Variants in SUPT20H observed in about 807,000 individuals in gnomAD.
SUPT20H encodes SPT20 homolog, SAGA complex component, also known as transcription factor SPT20 homolog.
A neutral mutation model predicts 122.8 loss-of-function variants in SUPT20H; 82 were observed. That is an observed-to-expected ratio of 0.67 (90% confidence interval 0.56 to 0.80). The LOEUF is 0.80. SUPT20H is among the 30% of genes least tolerant of loss of function. The pLI, the probability that SUPT20H is intolerant of heterozygous loss-of-function variation, is 0.00. For synonymous variants in SUPT20H, 291 were observed against 313.0 expected, an observed-to-expected ratio of 0.93 and a Z score of 0.74; for missense variants, 831 against 921.6, an observed-to-expected ratio of 0.90 and a Z score of 1.27.
chr13:37,031,553 A>T lies in SUPT20H; in HGVS notation c.921+14T>A. The T allele has an allele frequency of 6.6e-7, 1 of 1,512,944 alleles. No individual in the cohort carries two copies. 93.7% of individuals were successfully genotyped at this position (1,512,944 alleles called of 1,614,324 possible). A position where few individuals can be genotyped will look rare whatever the true frequency, so the allele number is the denominator to read the frequency against. On this transcript the variant is annotated intron_variant, in intron 12 of 25. Coordinates refer to ENST00000350612, the MANE Select transcript of SUPT20H (RefSeq NM_001014286.3). ...AACTTTATATGAAAAAAAGTAATTC[A>T]TGAACTGACTTACATCTACTTCAGA...
intron 16 of SUPT20H, among the ~76,000 whole-genome samples, chr13:37,025,672 AT>A (rs2062130872): frequency 6.6e-6 from 1 of 152,218 alleles, no homozygotes. Context: ...TACTTTCAAT[AT>A]CTTATTTCTA....
intron 1 of SUPT20H, among the ~76,000 whole-genome samples, chr13:37,059,025 A>T (rs1478691386): frequency 6.6e-6 from 1 of 152,174 alleles, no homozygotes; most frequent in African/African-American, 2.4e-5. Context: ...GATGGCTTCC[A>T]GGGCAACTGT....
Position 37,029,786 on chromosome 13 carries a change from C to CTG in SUPT20H, c.970_971dup (p.Gln324HisfsTer11). ...TTACATGGGCTGGCCAGACTGTTGG[C>CTG]TGTGAGTCATCAGATTTGATAGACT... On this transcript the variant is annotated frameshift_variant, in exon 13 of 26. Coordinates refer to ENST00000350612, the MANE Select transcript of SUPT20H (RefSeq NM_001014286.3). LOFTEE classifies it high-confidence loss of function. The CTG allele has an allele frequency of 6.3e-7, 1 of 1,599,922 alleles. No homozygotes were observed. The highest frequency in any genetic ancestry group is 1.1e-5 in the South Asian group (1 of 88,428).
chr13:37,047,760 C>A lies in SUPT20H; in HGVS notation c.98+118G>T, dbSNP rs2066778394. 5.6e-6 allele frequency: 7 copies of A among 1,242,534 alleles called. No individual in the cohort carries two copies. The East Asian group carries it at 1.1e-4, about 19-fold the overall frequency. 77.0% of individuals were successfully genotyped at this position (1,242,534 alleles called of 1,614,324 possible). On this transcript the variant is annotated intron_variant, in intron 4 of 25. Transcript: ENST00000350612. ...AGTAGCTAACATCAACTTAGAAATT[C>A]CTAATACATGCAAAGAACCTATAAA... is the stretch of plus-strand genomic sequence containing the variant.
At chr13:37,025,293 C>A in intron 17 of SUPT20H, 27 bp downstream of exon 17, 1 of 1,536,476 alleles carries the variant, frequency 6.5e-7, no homozygotes, top group Non-Finnish European at 9.0e-7. Flanking sequence ...CAACTGGGCA[C>A]AAAGAAGTAA....
intron 5 of SUPT20H, chr13:37,047,129 C>T (rs2066627364): frequency 6.5e-6 from 1 of 152,700 alleles, no homozygotes; most frequent in Admixed American, 6.6e-5. Context: ...GAATTTCATA[C>T]ATGCTCTGTA....
intron 5 of SUPT20H, chr13:37,046,938 G>A (rs2066581267): frequency 6.6e-6 from 1 of 151,978 alleles, no homozygotes; most frequent in Non-Finnish European, 1.5e-5. Flanking sequence ...CATTTTTAAA[G>A]ACAGACAACA....
intron 21 of SUPT20H, 62 bp from the exon 22 acceptor site, chr13:37,019,459 A>G: frequency 8.6e-7 from 1 of 1,161,738 alleles, no homozygotes; most frequent in East Asian, 2.5e-5. Context: ...AAAATAATTT[A>G]TACTTTAGTA....
intron 25 of SUPT20H, 76 bp downstream of exon 25, chr13:37,010,476 T>A (rs898723278): frequency 6.8e-6 from 9 of 1,320,978 alleles, no homozygotes; most frequent in Non-Finnish European, 9.7e-6. Context: ...AAAATAAAAC[T>A]AAAGCAAGTT....
intron 23 of SUPT20H, chr13:37,013,756 T>C (rs2059981253): frequency 6.6e-6 from 1 of 152,036 alleles, no homozygotes; most frequent in African/African-American, 2.4e-5. Context: ...AAAAGTTACA[T>C]TTATCTTGAG....
At position 37,040,436 on chromosome 13, in the gene SUPT20H, G is replaced by A; in HGVS notation, c.536C>T (p.Ser179Leu). The change falls in exon 9 of 26, where the codon TCA becomes TTA. Residue 179 changes from serine to leucine, a missense_variant. Ser to Leu is a moderately radical substitution (Grantham distance 145). Transcript: ENST00000350612. ...TMQTLICDVHSITSDNHKWTQ... is the reference protein window; with the variant it reads ...TMQTLICDVHLITSDNHKWTQ... ...CCATTTGTGGTTATCACTTGTTATT[G>A]AATGTACATCACAAATTAAAGTCTA... 1 of 1,579,878 alleles carries A rather than the reference G, an allele frequency of 6.3e-7. No homozygotes were observed. The highest frequency in any genetic ancestry group is 1.2e-5 in the South Asian group (1 of 83,218).
chr13:37,044,129 C>G lies in SUPT20H; in HGVS notation c.345G>C (p.Leu115Phe). The change falls in exon 7 of 26, where the codon TTG becomes TTC. Residue 115 changes from leucine to phenylalanine, a missense_variant. Leu to Phe is a conservative substitution (Grantham distance 22, BLOSUM62 0). Coordinates refer to ENST00000350612, the MANE Select transcript of SUPT20H (RefSeq NM_001014286.3). ...PYEEGELLEYLDAEELPPILV... is the reference protein window; with the variant it reads ...PYEEGELLEYFDAEELPPILV... ...AAATAGGAGGTAATTCTTCTGCATCCAAATATTCAAGCAACTCTCCTTCTT... is the reference window on the plus strand; with the variant it reads ...AAATAGGAGGTAATTCTTCTGCATCGAAATATTCAAGCAACTCTCCTTCTT... 1 of 1,612,824 alleles carries G rather than the reference C, an allele frequency of 6.2e-7. No homozygotes were observed. The highest frequency in any genetic ancestry group is 1.1e-5 in the South Asian group (1 of 90,858).
chr13:37,040,201 A>T (rs186258512), intron 9 of SUPT20H: 247 of 451,840 alleles, frequency 5.5e-4, no homozygotes, highest in Admixed American at 1.2e-3. Flanking sequence ...CTTGACCTTA[A>T]AATGATCTTA....
intron 23 of SUPT20H, among the ~76,000 whole-genome samples, chr13:37,015,531 A>C (rs1486607742): frequency 6.6e-6 from 1 of 152,144 alleles, no homozygotes. Flanking sequence ...CCAGAAAATA[A>C]CAAGAGTTGG....
chr13:37,013,937 A>T (rs1354109140), intron 23 of SUPT20H: 1 of 152,094 alleles, frequency 6.6e-6, no homozygotes, highest in Admixed American at 6.5e-5. Flanking sequence ...ATGCAAAAAA[A>T]CTACAGGTGA....
intron 9 of SUPT20H, among the ~76,000 whole-genome samples, chr13:37,035,824 C>T (rs1352055772): frequency 1.3e-5 from 2 of 152,124 alleles, no homozygotes; most frequent in Admixed American, 6.5e-5. Context: ...AGCCATGGCA[C>T]CTGGCAAAAG....
At chr13:37,033,773 C>A (rs1370331233) in intron 9 of SUPT20H, among the ~76,000 whole-genome samples, 185 bp from the exon 10 acceptor site, 1 of 152,172 alleles carries the variant, frequency 6.6e-6, no homozygotes, top group Admixed American at 6.5e-5. Flanking sequence ...AAAGAAACTT[C>A]TAATGGAAAT....
chr13:37,026,078 C>T (rs2062206333), intron 16 of SUPT20H, 126 bp downstream of exon 16: 2 of 665,072 alleles, frequency 3.0e-6, no homozygotes. Flanking sequence ...AAATATTAAA[C>T]AGTGTAAATA....
In SUPT20H at chr13:37,044,234, T is replaced by C. The variant is rs151332985; in HGVS notation, c.293-53A>G. The stretch of plus-strand genomic sequence containing the variant: ...TGATCATGCTCACTGAAAGCTTAGC[T>C]GTATAATTCAAATGGCTTTTCAAAG... On this transcript the variant is annotated intron_variant, in intron 6 of 25. Coordinates refer to ENST00000350612, the MANE Select transcript of SUPT20H (RefSeq NM_001014286.3). The C allele has an allele frequency of 2.6e-4, 368 of 1,418,790 alleles. 3 individuals carry two copies. In the African/African-American group the frequency reaches 4.7e-3, roughly 18 times the overall value. The allele number at this position is 1,418,790 out of a possible 1,614,324, so 87.9% of individuals were successfully genotyped here. A position where few individuals can be genotyped will look rare whatever the true frequency, so the allele number is the denominator to read the frequency against.
Sources: allele counts gnomAD v4.1 joint callset (sites outside exome capture counted in the v4.1 genomes callset), GRCh38; gene constraint gnomAD v4.1.1; transcripts MANE v1.5; gene names NCBI Gene and HGNC (gene_info 2026-07-23, HGNC 2026-07-21).